Variants in CNTN5 observed in about 807,000 individuals in gnomAD.
The protein encoded by CNTN5 is contactin-5.
Under a neutral mutation model 129.1 loss-of-function variants are expected in CNTN5, and 77 were observed. That is an observed-to-expected ratio of 0.60 (90% CI 0.50 to 0.72). The LOEUF (loss-of-function observed/expected upper bound fraction) is 0.72, where lower values mean the gene tolerates loss of function less well. Ranked by LOEUF, CNTN5 falls within the 30% of genes least tolerant of loss-of-function variation. The pLI is 0.00. For missense variants in CNTN5, 1,478 were observed against 1,328.8 expected (o/e 1.11, Z -1.75); for synonymous variants, 509 against 465.6 (o/e 1.09, Z -1.20).
intron 7 of CNTN5, among the ~76,000 whole-genome samples, chr11:99,941,788 T>G (rs1591455062): frequency 1.3e-5 from 2 of 152,178 alleles, no homozygotes; most frequent in Admixed American, 6.6e-5. Context: ...AGTTGGAAAC[T>G]AACAGCAGGG....
At chr11:99,115,523 C>T (rs1369570920) in intron 1 of CNTN5, among the ~76,000 whole-genome samples, 2 of 152,094 alleles carry the variant, frequency 1.3e-5, no homozygotes, top group African/African-American at 4.8e-5. Flanking sequence ...CTTTGTGAGG[C>T]TGAGGTTAGG....
In CNTN5 at chr11:99,863,424, T is replaced by C. The variant is rs1344576563; in HGVS notation, c.577+18162T>C. Among the ~76,000 whole-genome samples, 74 of 151,990 alleles carry C rather than the reference T, an allele frequency of 4.9e-4. 1 individual carries two copies. Among genetic ancestry groups the C allele is most frequent in the Admixed American group, 4.9e-3 (74 of 15,236 alleles). On this transcript the variant is annotated intron_variant, in intron 6 of 24. Transcript: ENST00000524871. Reference sequence around the variant, plus strand: ...GGGATAAAGGAGCAACATTTGTCAATTAATAGAGCACGGTTGTATATAAAA... The same window carrying C: ...GGGATAAAGGAGCAACATTTGTCAACTAATAGAGCACGGTTGTATATAAAA...
At chr11:99,138,581 G>A (rs1285507075) in intron 1 of CNTN5, among the ~76,000 whole-genome samples, 2 of 152,136 alleles carry the variant, frequency 1.3e-5, no homozygotes, top group African/African-American at 4.8e-5. Flanking sequence ...ATCAGCTACT[G>A]AATATTTATC....
intron 2 of CNTN5, among the ~76,000 whole-genome samples, chr11:99,448,283 A>G (rs1357886729): frequency 6.6e-6 from 1 of 152,184 alleles, no homozygotes; most frequent in Admixed American, 6.5e-5. Context: ...ATTCTTGTGT[A>G]TAGTACCTAC....
At chr11:99,823,217 C>A (rs1946854738) in intron 4 of CNTN5, among the ~76,000 whole-genome samples, 1 of 152,200 alleles carries the variant, frequency 6.6e-6, no homozygotes. Context: ...TGTTCATTTT[C>A]TGGGTTTCCT....
intron 10 of CNTN5, among the ~76,000 whole-genome samples, chr11:100,067,472 C>T (rs1254577748): frequency 8.6e-6 from 1 of 116,852 alleles, no homozygotes; most frequent in Non-Finnish European, 1.8e-5. Context: ...TATGCCATTT[C>T]AGGATTTTTT....
At chr11:99,346,739 A>C (rs1219666651) in intron 2 of CNTN5, among the ~76,000 whole-genome samples, 2 of 152,234 alleles carry the variant, frequency 1.3e-5, no homozygotes, top group African/African-American at 4.8e-5. Context: ...AGAATAGGTC[A>C]TAAGTATGAG....
chr11:99,256,934 T>G (rs960803313), intron 1 of CNTN5, among the ~76,000 whole-genome samples: 9 of 152,104 alleles, frequency 5.9e-5, no homozygotes, highest in African/African-American at 1.9e-4. Context: ...CCAAGATAGA[T>G]GCACACCTTA....
At chr11:100,271,280 T>C (rs756166367) in intron 18 of CNTN5, 39 bp downstream of exon 18, 1 of 1,489,176 alleles carries the variant, frequency 6.7e-7, no homozygotes. Flanking sequence ...TTGGTATGCT[T>C]CTAATCGTCT....
chr11:99,340,845 T>C (rs994597139), intron 2 of CNTN5, among the ~76,000 whole-genome samples: 1 of 152,206 alleles, frequency 6.6e-6, no homozygotes, highest in Non-Finnish European at 1.5e-5. Flanking sequence ...ATTAAACATA[T>C]TCATGACCAC....
At chr11:100,016,723 G>T (rs1387261770) in intron 9 of CNTN5, among the ~76,000 whole-genome samples, 1 of 151,934 alleles carries the variant, frequency 6.6e-6, no homozygotes, top group Non-Finnish European at 1.5e-5. Flanking sequence ...GTTTATGTAT[G>T]CACATGTGTG....
chr11:99,114,768 A>G (rs544204004), intron 1 of CNTN5, among the ~76,000 whole-genome samples: 2 of 152,294 alleles, frequency 1.3e-5, no homozygotes, highest in South Asian at 4.1e-4. Context: ...CTGTGTGTAT[A>G]TATGTGCAAG....
At chr11:99,985,200 G>T (rs559285420) in intron 8 of CNTN5, among the ~76,000 whole-genome samples, 1 of 152,210 alleles carries the variant, frequency 6.6e-6, no homozygotes, top group Non-Finnish European at 1.5e-5. Context: ...CCTGTACTCG[G>T]TGGTTCCTGA....
chr11:99,056,611 C>G (rs764822819), intron 1 of CNTN5, among the ~76,000 whole-genome samples: 1 of 151,978 alleles, frequency 6.6e-6, no homozygotes, highest in Non-Finnish European at 1.5e-5. Context: ...ATATGATGTT[C>G]TAGGTCCCTA....
At chr11:100,356,035 G>C in intron 24 of CNTN5, 82 bp from the exon 25 acceptor site, 1 of 853,864 alleles carries the variant, frequency 1.2e-6, no homozygotes, top group Non-Finnish European at 1.9e-6. Context: ...GCACTCATTA[G>C]TCTTACATAC....
At chr11:99,300,352 C>A (rs1478395442) in intron 1 of CNTN5, among the ~76,000 whole-genome samples, 1 of 151,796 alleles carries the variant, frequency 6.6e-6, no homozygotes, top group Non-Finnish European at 1.5e-5. Context: ...TTATCTAATG[C>A]TTTTTTTAAT....
chr11:99,580,685 G>T (rs1455913405), intron 3 of CNTN5, among the ~76,000 whole-genome samples: 4 of 151,736 alleles, frequency 2.6e-5, no homozygotes, highest in South Asian at 2.1e-4. Flanking sequence ...TATCCCCTTT[G>T]TCATTTTTTA....
chr11:99,085,831 TC>T lies in CNTN5; in HGVS notation c.-210+64567del, dbSNP rs1865983092. Among the ~76,000 whole-genome samples the T allele has an allele frequency of 2.6e-5, 4 of 152,186 alleles. No homozygotes were observed. The South Asian group carries it at 6.2e-4, about 24-fold the overall frequency. On this transcript the variant is annotated intron_variant, in intron 1 of 24. Transcript: ENST00000524871. ...TAAAATTCTAGTGGAGTTGAAAAAT[TC>T]CCCCCTCCTAGTGACATTTTAGCTA...
intron 6 of CNTN5, among the ~76,000 whole-genome samples, chr11:99,901,150 G>A (rs1434064784): frequency 1.8e-4 from 28 of 152,150 alleles, no homozygotes; most frequent in Admixed American, 1.8e-3. Flanking sequence ...GTGTGTGGCA[G>A]GTAGTGAGTA....
Sources: gnomAD v4.1 joint callset for allele counts (sites outside exome capture counted in the v4.1 genomes callset) on GRCh38, gnomAD v4.1.1 for gene constraint, MANE v1.5 for transcripts, NCBI Gene and HGNC (gene_info 2026-07-23, HGNC 2026-07-21) for gene names.